Variants in PTPRO observed in about 807,000 individuals in gnomAD.
PTPRO encodes receptor-type tyrosine-protein phosphatase O.
Under a neutral mutation model 145.2 loss-of-function variants are expected in PTPRO, and 62 were observed. That is an observed-to-expected ratio of 0.43 (90% CI 0.35 to 0.53). The LOEUF (loss-of-function observed/expected upper bound fraction) is 0.53, where lower values mean the gene tolerates loss of function less well. Ranked by LOEUF, PTPRO falls within the 20% of genes least tolerant of loss-of-function variation. The pLI is 0.01. For missense variants in PTPRO, 1,345 were observed against 1,482.7 expected, an observed-to-expected ratio of 0.91 and a Z score of 1.53; for synonymous variants, 565 against 514.7, an observed-to-expected ratio of 1.10 and a Z score of -1.32.
chr12:15,546,048 C>G (rs1943281065), intron 12 of PTPRO, among the ~76,000 whole-genome samples: 1 of 151,818 alleles, frequency 6.6e-6, no homozygotes, highest in African/African-American at 2.4e-5. Context: ...ATCTGTTTAG[C>G]TTTATCTTTT....
chr12:15,561,568 T>A (rs1041612801), intron 17 of PTPRO, among the ~76,000 whole-genome samples: 1 of 152,090 alleles, frequency 6.6e-6, no homozygotes, highest in Admixed American at 6.6e-5. Context: ...TATTCTAAGT[T>A]CATTGTTACA....
intron 1 of PTPRO, among the ~76,000 whole-genome samples, chr12:15,392,720 C>CAGAAAAA (rs1939222772): frequency 3.0e-5 from 2 of 66,684 alleles, no homozygotes; most frequent in African/African-American, 6.4e-5. Flanking sequence ...GACCCTGTCT[C>CAGAAAAA]AAAAAAAAAA....
intron 1 of PTPRO, among the ~76,000 whole-genome samples, chr12:15,354,906 T>G (rs778224709): frequency 6.6e-6 from 1 of 152,156 alleles, no homozygotes; most frequent in Non-Finnish European, 1.5e-5. Flanking sequence ...TTACCGTATT[T>G]TATAAAAGGT....
rs746051171 is a variant in PTPRO, at chr12:15,580,069, T to A, written c.2951T>A (p.Met984Lys). Residue 984 changes from methionine to lysine, a missense_variant, in exon 21 of 27, where the codon ATG becomes AAG. By Grantham distance (95) the Met-to-Lys change is moderately conservative (BLOSUM62 -1). This residue lies in a region of PTPRO where 1,130 missense variants were observed against 1,214.7 expected (regional missense o/e 0.93). Coordinates refer to ENST00000281171, the MANE Select transcript of PTPRO (RefSeq NM_030667.3). ...TTCAGCCGTGTGAGATTAGTCTCCA[T>A]GAATGAAGAGGAAGGTGCAGACTAC... ...YDFSRVRLVSMNEEEGADYIN... is the reference protein window; with the variant it reads ...YDFSRVRLVSKNEEEGADYIN... 1 of 1,613,218 alleles carries A rather than the reference T, an allele frequency of 6.2e-7. No individual in the cohort carries two copies. The highest frequency in any genetic ancestry group is 1.1e-5 in the South Asian group (1 of 91,072).
intron 1 of PTPRO, among the ~76,000 whole-genome samples, chr12:15,443,142 G>C (rs950675705): frequency 3.3e-5 from 5 of 152,112 alleles, no homozygotes; most frequent in African/African-American, 1.2e-4. Context: ...CAATGGAACA[G>C]AATAGAGAAC....
chr12:15,438,027 A>G (rs1272297548), intron 1 of PTPRO, among the ~76,000 whole-genome samples: 1 of 152,216 alleles, frequency 6.6e-6, no homozygotes, highest in Non-Finnish European at 1.5e-5. Context: ...GCTGGCTGTT[A>G]TCTACAGGCT....
intron 7 of PTPRO, among the ~76,000 whole-genome samples, chr12:15,514,568 A>G (rs1001264004): frequency 2.0e-5 from 3 of 151,764 alleles, no homozygotes; most frequent in African/African-American, 7.3e-5. Flanking sequence ...GCTTACCAGG[A>G]TATCTCGATG....
chr12:15,428,279 A>G (rs867485608), intron 1 of PTPRO, among the ~76,000 whole-genome samples: 1 of 152,162 alleles, frequency 6.6e-6, no homozygotes, highest in Admixed American at 6.5e-5. Context: ...AGGGTGTTTG[A>G]TACCTGAAAT....
chr12:15,452,239 C>T (rs1941065627), intron 1 of PTPRO, among the ~76,000 whole-genome samples: 1 of 152,028 alleles, frequency 6.6e-6, no homozygotes, highest in South Asian at 2.1e-4. Flanking sequence ...AATTAGAAAA[C>T]CTGGAGGAGA....
In PTPRO at chr12:15,488,222, A is replaced by G. The variant is rs894105341; in HGVS notation, c.349+3975A>G. Among the ~76,000 whole-genome samples, 4 of 152,208 alleles carry G rather than the reference A, an allele frequency of 2.6e-5. No individual in the cohort carries two copies. The East Asian group carries it at 7.7e-4, about 29-fold the overall frequency. On this transcript the variant is annotated intron_variant, in intron 2 of 26. Coordinates refer to ENST00000281171, the MANE Select transcript of PTPRO (RefSeq NM_030667.3). Reference sequence around the variant, plus strand: ...GTATTGATTTCCAAAGAGTAAAATTAATTCATGATGGTCTATTAAATATTA... The same window carrying G: ...GTATTGATTTCCAAAGAGTAAAATTGATTCATGATGGTCTATTAAATATTA...
chr12:15,477,690 G>A (rs1941686764), intron 1 of PTPRO, among the ~76,000 whole-genome samples: 1 of 152,168 alleles, frequency 6.6e-6, no homozygotes, highest in African/African-American at 2.4e-5. Context: ...AAGAACAGGA[G>A]CACCCTTGGG....
At chr12:15,474,159 A>G (rs765526500) in intron 1 of PTPRO, among the ~76,000 whole-genome samples, 2 of 152,238 alleles carry the variant, frequency 1.3e-5, no homozygotes, top group Non-Finnish European at 2.9e-5. Flanking sequence ...AAATGAGCAC[A>G]TAGCCTGGCC....
chr12:15,437,672 C>G (rs940376467), intron 1 of PTPRO, among the ~76,000 whole-genome samples: 3 of 152,226 alleles, frequency 2.0e-5, no homozygotes, highest in African/African-American at 7.2e-5. Flanking sequence ...AAGGCCCTCT[C>G]TGCTCCACAC....
intron 4 of PTPRO, among the ~76,000 whole-genome samples, chr12:15,499,991 A>G (rs1413198069): frequency 6.6e-6 from 1 of 152,140 alleles, no homozygotes; most frequent in Non-Finnish European, 1.5e-5. Context: ...TGTATCTAAA[A>G]CTTGCGGTGC....
chr12:15,503,834 T>TA, intron 5 of PTPRO, 74 bp from the exon 6 acceptor site: 1 of 1,270,006 alleles, frequency 7.9e-7, no homozygotes, highest in South Asian at 1.3e-5. Flanking sequence ...TTTTTTTCAT[T>TA]AATCGACTTG....
chr12:15,460,363 A>G (rs1941274433), intron 1 of PTPRO, among the ~76,000 whole-genome samples: 1 of 151,986 alleles, frequency 6.6e-6, no homozygotes, highest in Non-Finnish European at 1.5e-5. Context: ...AAAAAGCCCT[A>G]CTCTAAAGCA....
intron 1 of PTPRO, among the ~76,000 whole-genome samples, chr12:15,371,227 C>T (rs918928474): frequency 6.6e-6 from 1 of 150,964 alleles, no homozygotes; most frequent in African/African-American, 2.4e-5. Context: ...AACATAACCT[C>T]AAGCTCACTA....
At chr12:15,469,920 T>C (rs1481924060) in intron 1 of PTPRO, among the ~76,000 whole-genome samples, 1 of 152,186 alleles carries the variant, frequency 6.6e-6, no homozygotes, top group African/African-American at 2.4e-5. Context: ...TTTGCATGTA[T>C]GGTTTCATTT....
chr12:15,558,590 C>T (rs1220243715), intron 16 of PTPRO, among the ~76,000 whole-genome samples: 5 of 152,144 alleles, frequency 3.3e-5, no homozygotes, highest in African/African-American at 1.2e-4. Context: ...CTTACATGGT[C>T]TAGTTTGTTT....
Sources: allele counts gnomAD v4.1 joint callset (sites outside exome capture counted in the v4.1 genomes callset), GRCh38; gene constraint gnomAD v4.1.1; regional missense constraint gnomAD v4.1.1; transcripts MANE v1.5; gene names NCBI Gene and HGNC (gene_info 2026-07-23, HGNC 2026-07-21).